Variants in TYR observed in about 807,000 individuals in gnomAD.
TYR encodes the protein LB24-AB.
In TYR, 58 loss-of-function variants were observed where a neutral mutation model predicts 51.5. The observed-to-expected ratio is 1.13, with a 90% confidence interval of 0.91 to 1.40. The LOEUF (loss-of-function observed/expected upper bound fraction) is 1.40. Among genes scored for constraint, TYR ranks in the 40% most tolerant of loss-of-function variants. The pLI is 0.00. For synonymous variants in TYR, 263 were observed against 235.2 expected (o/e 1.12, Z -1.08); for missense variants, 732 against 647.4 (o/e 1.13, Z -1.42).
chr11:89,266,421 G>T (rs940147578), intron 3 of TYR, among the ~76,000 whole-genome samples: 15 of 151,808 alleles, frequency 9.9e-5, no homozygotes, highest in African/African-American at 3.6e-4. Context: ...TTGCTTTCTT[G>T]TCTTATCTAC....
At chr11:89,240,199 C>T (rs1414309032) in intron 3 of TYR, among the ~76,000 whole-genome samples, 2 of 151,934 alleles carry the variant, frequency 1.3e-5, no homozygotes, top group Admixed American at 1.3e-4. Flanking sequence ...AAACGTTTAC[C>T]TACATAACAA....
rs1944893891 is a variant in TYR at position 89,295,203 on chromosome 11, C to T, written c.1427C>T (p.Ser476Leu). 6.2e-7 allele frequency: 1 copy of T among 1,613,946 alleles called. No individual in the cohort carries two copies. Among genetic ancestry groups the T allele is most frequent in the East Asian group, 2.2e-5 (1 of 44,870 alleles). The change falls in exon 5 of 5, where the codon TCA becomes TTA. Residue 476 changes from serine to leucine, a missense_variant. Ser to Leu is a moderately radical substitution (Grantham distance 145). Transcript: ENST00000263321. ...SYLEQASRIW[S>L]WLLGAAMVGA... is the part of the protein sequence containing the mutation. ...TTGGAACAAGCGAGTCGGATCTGGT[C>T]ATGGCTCCTTGGGGCGGCGATGGTA...
Position 89,227,808 on chromosome 11 carries a change from T to A in TYR, c.1037-15T>A, listed in dbSNP as rs1161183790. The A allele has an allele frequency of 6.2e-7, 1 of 1,610,242 alleles. No homozygotes were observed. Among genetic ancestry groups the A allele is most frequent in the Non-Finnish European group, 8.5e-7 (1 of 1,178,900 alleles). ...TAAAGTAAACATATTTTTTTCATTT[T>A]TTTTTAATGAACAGGATTTGCTAGT... On this transcript the variant is annotated splice_polypyrimidine_tract_variant and intron_variant, in intron 2 of 4. Transcript: ENST00000263321.
rs773568493 is a variant in TYR at position 89,231,335 on chromosome 11, T to C, written c.1184+3365T>C. 1.2e-4 allele frequency among the ~76,000 whole-genome samples: 13 copies of C among 106,004 alleles called. 2 individuals are homozygous for C. The highest frequency in any genetic ancestry group is 7.1e-4 in the Admixed American group (8 of 11,190). 69.5% of individuals were successfully genotyped at this position (106,004 alleles called of 152,430 possible). On this transcript the variant is annotated intron_variant, in intron 3 of 4. Transcript: ENST00000263321. ...GGGCATGTATCGAAAGGGAAATATA[T>C]CTGAACTTCCAAGTTCATTGCAACA...
At chr11:89,271,749 T>C (rs757999646) in intron 3 of TYR, among the ~76,000 whole-genome samples, 2 of 151,974 alleles carry the variant, frequency 1.3e-5, no homozygotes, top group Non-Finnish European at 2.9e-5. Flanking sequence ...CTTGCAAATA[T>C]GGAGTCAATC....
chr11:89,232,846 G>A (rs922593729), intron 3 of TYR, among the ~76,000 whole-genome samples: 2 of 143,336 alleles, frequency 1.4e-5, no homozygotes, highest in South Asian at 2.3e-4. Flanking sequence ...GCTAACAATC[G>A]TCTGAGCCTT....
At chr11:89,239,595 T>C (rs552267281) in intron 3 of TYR, among the ~76,000 whole-genome samples, 21 of 152,228 alleles carry the variant, frequency 1.4e-4, no homozygotes, top group Non-Finnish European at 1.9e-4. Context: ...ACTTTAGGCA[T>C]AGTTTGACCT....
chr11:89,177,882 T>C lies in TYR; in HGVS notation c.-72T>C. 2 of 1,434,704 alleles carry C rather than the reference T, an allele frequency of 1.4e-6. No individual in the cohort carries two copies. The highest frequency in any genetic ancestry group is 1.2e-5 in the South Asian group (1 of 86,434). The allele number at this position is 1,434,704 out of a possible 1,614,324, so 88.9% of individuals were successfully genotyped here. On this transcript the variant is annotated 5_prime_UTR_variant, in exon 1 of 5. Coordinates refer to ENST00000263321, the MANE Select transcript of TYR (RefSeq NM_000372.5). ...CCAAGACATGTGATAATCACTGTAG[T>C]AGTAGCTGGAAAGAGAAATCTGTGA...
intron 2 of TYR, among the ~76,000 whole-genome samples, chr11:89,225,128 C>A (rs1466433795): frequency 6.6e-6 from 1 of 151,386 alleles, no homozygotes; most frequent in Non-Finnish European, 1.5e-5. Context: ...TTTTGGTAGG[C>A]TACTTATTCT....
intron 3 of TYR, among the ~76,000 whole-genome samples, chr11:89,252,796 G>A (rs559519531): frequency 8.6e-5 from 13 of 151,712 alleles, no homozygotes; most frequent in African/African-American, 3.1e-4. Context: ...GGCTCCTTGA[G>A]GATCATTTTA....
chr11:89,285,132 T>A lies in TYR; in HGVS notation c.1366+178T>A, dbSNP rs377010616. 2.0e-5 allele frequency among the ~76,000 whole-genome samples: 3 copies of A among 151,798 alleles called. No individual in the cohort carries two copies. In the East Asian group the frequency reaches 5.8e-4, roughly 29 times the overall value. On this transcript the variant is annotated intron_variant, in intron 4 of 4. Coordinates refer to ENST00000263321, the MANE Select transcript of TYR (RefSeq NM_000372.5). ...TCACAGGAATCAAATTCTGAGGATC[T>A]TTAAAGTCATGGTCATTTTGCTTAA...
intron 3 of TYR, among the ~76,000 whole-genome samples, chr11:89,260,147 C>T (rs182500316): frequency 6.6e-6 from 1 of 151,658 alleles, no homozygotes; most frequent in Non-Finnish European, 1.5e-5. Flanking sequence ...AAGGCAAGGA[C>T]GTGTGCAGTA....
At chr11:89,202,825 G>A (rs538422984) in intron 2 of TYR, among the ~76,000 whole-genome samples, 1 of 152,062 alleles carries the variant, frequency 6.6e-6, no homozygotes, top group Admixed American at 6.6e-5. Flanking sequence ...TAGAAATATG[G>A]TTATAAAAAC....
intron 2 of TYR, among the ~76,000 whole-genome samples, chr11:89,193,426 C>G (rs1943473569): frequency 6.6e-6 from 1 of 152,040 alleles, no homozygotes; most frequent in African/African-American, 2.4e-5. Context: ...AGATTTACTA[C>G]AAATAATTTG....
chr11:89,200,423 T>C (rs766392866), intron 2 of TYR: 1 of 152,162 alleles, frequency 6.6e-6, no homozygotes, highest in African/African-American at 2.4e-5. Context: ...GATGCATACA[T>C]AGGACTGCTT....
chr11:89,210,496 G>A (rs538004335), intron 2 of TYR, among the ~76,000 whole-genome samples: 7 of 152,278 alleles, frequency 4.6e-5, no homozygotes, highest in Admixed American at 3.3e-4. Flanking sequence ...CATTTGATTC[G>A]TGTACCTGAA....
At chr11:89,240,180 C>T (rs1365787143) in intron 3 of TYR, among the ~76,000 whole-genome samples, 1 of 151,988 alleles carries the variant, frequency 6.6e-6, no homozygotes, top group Non-Finnish European at 1.5e-5. Flanking sequence ...TGAAGCAAAC[C>T]ACCCTGGCAA....
chr11:89,217,420 T>A (rs1943845802), intron 2 of TYR, among the ~76,000 whole-genome samples: 1 of 152,194 alleles, frequency 6.6e-6, no homozygotes, highest in South Asian at 2.1e-4. Context: ...CCCACTTATC[T>A]GATGTATCTT....
rs779929859 is a variant in TYR, at chr11:89,227,820, C to T, written c.1037-3C>T. 7 of 1,611,012 alleles carry T rather than the reference C, an allele frequency of 4.3e-6. No individual in the cohort carries two copies. Among genetic ancestry groups the T allele is most frequent in the Non-Finnish European group, 5.9e-6 (7 of 1,178,946 alleles). On this transcript the variant is annotated splice_polypyrimidine_tract_variant and splice_region_variant and intron_variant, in intron 2 of 4. Transcript: ENST00000263321. ...ATTTTTTTCATTTTTTTTTAATGAACAGGATTTGCTAGTCCACTTACTGGG... is the reference window on the plus strand; with the variant it reads ...ATTTTTTTCATTTTTTTTTAATGAATAGGATTTGCTAGTCCACTTACTGGG...
Sources: gnomAD v4.1 joint callset for allele counts (sites outside exome capture counted in the v4.1 genomes callset) on GRCh38, gnomAD v4.1.1 for gene constraint, MANE v1.5 for transcripts, NCBI Gene and HGNC (gene_info 2026-07-23, HGNC 2026-07-21) for gene names.